The following WWOX variants were observed in gnomAD, a reference collection of about 807,000 sequenced individuals.
The protein encoded by WWOX is WW domain containing oxidoreductase.
WWOX carries 69 observed loss-of-function variants against 46.2 expected under a neutral mutation model. That is an observed-to-expected ratio of 1.49 (90% CI 1.23 to 1.82). WWOX has a LOEUF of 1.82. Ranked by LOEUF, WWOX falls within the 40% of genes most tolerant of loss-of-function variation. The pLI is 0.00. For synonymous variants in WWOX, 359 were observed against 202.6 expected, an observed-to-expected ratio of 1.77 and a Z score of -6.56; for missense variants, 919 against 542.6, an observed-to-expected ratio of 1.69 and a Z score of -6.89.
chr16:78,461,465 G>C (rs936632422), intron 8 of WWOX, among the ~76,000 whole-genome samples: 4 of 152,362 alleles, frequency 2.6e-5, no homozygotes, highest in East Asian at 1.9e-4. Context: ...CAAACAAGTG[G>C]AATGTGTGCA....
chr16:79,177,741 C>T (rs1431986403), intron 8 of WWOX, among the ~76,000 whole-genome samples: 1 of 152,182 alleles, frequency 6.6e-6, no homozygotes, highest in Non-Finnish European at 1.5e-5. Flanking sequence ...CAAAAAGGGT[C>T]AGCAGACTTT....
At chr16:78,750,555 C>T (rs764468602) in intron 8 of WWOX, among the ~76,000 whole-genome samples, 2 of 151,806 alleles carry the variant, frequency 1.3e-5, no homozygotes, top group Non-Finnish European at 2.9e-5. Context: ...TTGCAAGATA[C>T]TGAGATTTGG....
intron 8 of WWOX, among the ~76,000 whole-genome samples, chr16:78,819,876 C>G (rs148953446): frequency 6.6e-6 from 1 of 152,190 alleles, no homozygotes; most frequent in Non-Finnish European, 1.5e-5. Context: ...TTGAGTGAGA[C>G]TTGAACTCGA....
At chr16:78,503,440 C>G (rs1047302542) in intron 8 of WWOX, among the ~76,000 whole-genome samples, 2 of 150,180 alleles carry the variant, frequency 1.3e-5, no homozygotes, top group African/African-American at 2.5e-5. Context: ...AAATATAATT[C>G]CTTATTGTAA....
intron 8 of WWOX, among the ~76,000 whole-genome samples, chr16:78,738,035 G>A (rs934290942): frequency 1.3e-5 from 2 of 152,176 alleles, no homozygotes; most frequent in Non-Finnish European, 2.9e-5. Context: ...GACTTCTGTG[G>A]CCATAAGCAA....
intron 8 of WWOX, among the ~76,000 whole-genome samples, chr16:78,592,049 A>G (rs7190741): frequency 0.16 from 23,651 of 152,150 alleles, 2,981 homozygotes; most frequent in African/African-American, 0.35. Context: ...GTCTCAGTCA[A>G]TATTTACCTC....
intron 5 of WWOX, among the ~76,000 whole-genome samples, chr16:78,176,390 C>G (rs1027969569): frequency 6.6e-6 from 1 of 152,218 alleles, no homozygotes; most frequent in African/African-American, 2.4e-5. Flanking sequence ...GAGCCAAGAC[C>G]TGCCTTGCCT....
intron 8 of WWOX, among the ~76,000 whole-genome samples, chr16:79,014,684 T>G (rs77421955): frequency 0.011 from 1,701 of 152,330 alleles, 38 homozygotes; most frequent in African/African-American, 0.039. Flanking sequence ...ATTTCGGCCC[T>G]GATTTCAGAG....
chr16:78,707,873 A>G (rs1471361919), intron 8 of WWOX, among the ~76,000 whole-genome samples: 1 of 151,606 alleles, frequency 6.6e-6, no homozygotes, highest in Non-Finnish European at 1.5e-5. Flanking sequence ...AAATAAATAA[A>G]TAAATAAATA....
In WWOX at chr16:78,513,746, C is replaced by T. The variant is rs1161979547; in HGVS notation, c.1056+80994C>T. 2.0e-5 allele frequency among the ~76,000 whole-genome samples: 3 copies of T among 152,160 alleles called. No individual in the cohort carries two copies. In the South Asian group the frequency reaches 6.2e-4, roughly 32 times the overall value. On this transcript the variant is annotated intron_variant, in intron 8 of 8. Transcript: ENST00000566780. ...CCTTTGTATGTAAATGTCTCATATACCCCTCTAAGAAGGGGAGCGAATAGT... is the reference window on the plus strand; with the variant it reads ...CCTTTGTATGTAAATGTCTCATATATCCCTCTAAGAAGGGGAGCGAATAGT...
chr16:78,518,960 A>C lies in WWOX; in HGVS notation c.1056+86208A>C, dbSNP rs143521252. Among the ~76,000 whole-genome samples, 3 of 152,372 alleles carry C rather than the reference A, an allele frequency of 2.0e-5. No individual in the cohort carries two copies. In the East Asian group the frequency reaches 5.8e-4, roughly 29 times the overall value. ...GTATAGGAAAAGGCAGCTTACAGAA[A>C]AAAACTTGCTTGTTTACTGTCTTCT... is the stretch of plus-strand genomic sequence containing the variant. On this transcript the variant is annotated intron_variant, in intron 8 of 8. Coordinates refer to ENST00000566780, the MANE Select transcript of WWOX (RefSeq NM_016373.4).
chr16:78,185,571 C>G (rs1364956888), intron 5 of WWOX, among the ~76,000 whole-genome samples: 1 of 151,894 alleles, frequency 6.6e-6, no homozygotes, highest in Non-Finnish European at 1.5e-5. Context: ...GGTGGTGCAT[C>G]CTGTCACCAT....
intron 8 of WWOX, among the ~76,000 whole-genome samples, chr16:79,107,086 C>T (rs1054904746): frequency 5.9e-5 from 9 of 152,218 alleles, no homozygotes; most frequent in African/African-American, 2.2e-4. Context: ...GCTGGGATTA[C>T]AGGCATGGGC....
At chr16:78,397,914 A>T (rs1181370863) in intron 6 of WWOX, among the ~76,000 whole-genome samples, 1 of 152,230 alleles carries the variant, frequency 6.6e-6, no homozygotes, top group Non-Finnish European at 1.5e-5. Flanking sequence ...TCGTCCGCTC[A>T]GTTAAGGTAC....
intron 8 of WWOX, among the ~76,000 whole-genome samples, chr16:78,666,669 G>T (rs185312625): frequency 7.9e-4 from 121 of 152,268 alleles, no homozygotes; most frequent in African/African-American, 2.8e-3. Context: ...CTTGGGAAGG[G>T]CCATCGTGCA....
intron 8 of WWOX, among the ~76,000 whole-genome samples, chr16:78,970,696 G>A (rs2046452487): frequency 6.6e-6 from 1 of 152,124 alleles, no homozygotes; most frequent in South Asian, 2.1e-4. Context: ...AATTTAAAAA[G>A]ATAGGAGGAG....
intron 8 of WWOX, among the ~76,000 whole-genome samples, chr16:79,097,593 G>C (rs2049102905): frequency 6.6e-6 from 1 of 152,190 alleles, no homozygotes; most frequent in Non-Finnish European, 1.5e-5. Flanking sequence ...GAACCAGAGA[G>C]AGCCCCTCAG....
chr16:78,478,169 T>C (rs1207900354), intron 8 of WWOX, among the ~76,000 whole-genome samples: 1 of 152,216 alleles, frequency 6.6e-6, no homozygotes, highest in African/African-American at 2.4e-5. Context: ...TAATCAATTT[T>C]GAGGTTGTAT....
At chr16:78,940,545 C>G (rs1224843869) in intron 8 of WWOX, among the ~76,000 whole-genome samples, 1 of 152,144 alleles carries the variant, frequency 6.6e-6, no homozygotes, top group African/African-American at 2.4e-5. Context: ...CGTGTTCCAT[C>G]TGCTTCTTAA....
Sources: gnomAD v4.1 joint callset for allele counts (sites outside exome capture counted in the v4.1 genomes callset) on GRCh38, gnomAD v4.1.1 for gene constraint, MANE v1.5 for transcripts, NCBI Gene and HGNC (gene_info 2026-07-23, HGNC 2026-07-21) for gene names.